POLG: variants seen among roughly 807,000 people sequenced by gnomAD.
POLG encodes the protein DNA polymerase gamma, catalytic subunit.
A neutral mutation model predicts 155.4 loss-of-function variants in POLG; 110 were observed. The observed-to-expected ratio is 0.71, with a 90% CI of 0.61 to 0.83. The LOEUF is 0.83. POLG is among the 40% of genes least tolerant of loss of function. POLG has a pLI of 0.00. For synonymous variants in POLG, 701 were observed against 631.5 expected (o/e 1.11, Z -1.65); for missense variants, 1,685 against 1,627.5 (o/e 1.04, Z -0.61).
intron 2 of POLG, 101 bp downstream of exon 2, chr15:89,332,995 A>T: frequency 6.9e-7 from 1 of 1,453,112 alleles, no homozygotes; most frequent in Non-Finnish European, 9.1e-7. Flanking sequence ...TCCCTACGTG[A>T]GCACCCAGCC....
At chr15:89,323,041 ACGCG>A (rs1178018956) in intron 13 of POLG, 139 bp from the exon 14 acceptor site, 33 of 670,290 alleles carry the variant, frequency 4.9e-5, no homozygotes, top group African/African-American at 3.2e-4. Context: ...TGTATCACGC[ACGCG>A]CGCACGCGCG....
chr15:89,333,904 A>G lies in POLG; in HGVS notation c.-150T>C. 1.2e-6 allele frequency: 1 copy of G among 841,210 alleles called. No individual in the cohort carries two copies. 52.1% of individuals were successfully genotyped at this position (841,210 alleles called of 1,614,324 possible). A position where few individuals can be genotyped will look rare whatever the true frequency, so the allele number is the denominator to read the frequency against. The stretch of plus-strand genomic sequence containing the variant: ...ATGGGTTTGACCATGCCTGCCTTCC[A>G]CCCCAAATCCTAAAGGAGACAGATG... On this transcript the variant is annotated 5_prime_UTR_variant, in exon 2 of 23. Transcript: ENST00000268124.
chr15:89,323,030 T>C lies in POLG; in HGVS notation c.2266-128A>G, dbSNP rs559331727. ...TCAGCAGTCTGAGGCAAATCCCTGA[T>C]TGTATCACGCACGCGCGCACGCGCG... On this transcript the variant is annotated intron_variant, in intron 13 of 22. Coordinates refer to ENST00000268124, the MANE Select transcript of POLG (RefSeq NM_002693.3). 5 of 948,134 alleles carry C rather than the reference T, an allele frequency of 5.3e-6. No individual in the cohort carries two copies. In the South Asian group the frequency reaches 6.1e-5, roughly 12 times the overall value. The allele number at this position is 948,134 out of a possible 1,614,324, so 58.7% of individuals were successfully genotyped here. A position where few individuals can be genotyped will look rare whatever the true frequency, so the allele number is the denominator to read the frequency against.
Position 89,328,546 on chromosome 15 carries a change from G to C in POLG, c.1171-11C>G. On this transcript the variant is annotated splice_polypyrimidine_tract_variant and intron_variant, in intron 5 of 22. Coordinates refer to ENST00000268124, the MANE Select transcript of POLG (RefSeq NM_002693.3). Reference sequence around the variant, plus strand: ...GTACTGCATCAGGTCCTGGCACAAGGTGACAGGAAGGCGCAAGGTGGGCAG... The same window carrying C: ...GTACTGCATCAGGTCCTGGCACAAGCTGACAGGAAGGCGCAAGGTGGGCAG... 1.2e-6 allele frequency: 2 copies of C among 1,613,588 alleles called. No individual in the cohort carries two copies. Among genetic ancestry groups the C allele is most frequent in the African/African-American group, 1.3e-5 (1 of 75,036 alleles).
In POLG at chr15:89,321,085, G is replaced by GCTAC. The variant is rs2307433; in HGVS notation, c.2734+39_2734+40insGTAG. On this transcript the variant is annotated intron_variant, in intron 17 of 22. Coordinates refer to ENST00000268124, the MANE Select transcript of POLG (RefSeq NM_002693.3). ...CAATGTTCATCAGAACTGTCAATAT[G>GCTAC]CTGAGGGGCTGGGCTGCCCCAACCC... is the stretch of plus-strand genomic sequence containing the variant. 778,921 of 1,613,304 alleles carry GCTAC rather than the reference G, an allele frequency of 0.48. 192,450 individuals are homozygous for GCTAC. The highest frequency in any genetic ancestry group is 0.79 in the African/African-American group (59,340 of 74,802).
intron 14 of POLG, 73 bp from the exon 15 acceptor site, chr15:89,322,088 C>G: frequency 1.5e-6 from 2 of 1,370,326 alleles, no homozygotes; most frequent in South Asian, 1.2e-5. Flanking sequence ...CACCATGGCC[C>G]TCACCTGCCC....
At chr15:89,326,055 G>GTGC (rs1338427902) in intron 9 of POLG, among the ~76,000 whole-genome samples, 1 of 152,138 alleles carries the variant, frequency 6.6e-6, no homozygotes, top group East Asian at 1.9e-4. Context: ...GTCCTTCTGG[G>GTGC]TGCTCTCTTG....
chr15:89,323,445 C>T lies in POLG; in HGVS notation c.2224G>A (p.Val742Met), dbSNP rs147827654. Residue 742 changes from valine to methionine, a missense_variant, in exon 13 of 23, where the codon GTG becomes ATG. Transcript: ENST00000268124. ...AAAAACCAGCAGCCAGGGATGTCCA[C>T]GTCGTTGTAAGGTCCATTGCCATGG... ...YHHGNGPYND[V>M]DIPGCWFFKL... The T allele has an allele frequency of 1.6e-5, 26 of 1,614,058 alleles. No individual in the cohort carries two copies. The highest frequency in any genetic ancestry group is 2.7e-5 in the African/African-American group (2 of 75,064).
In POLG at chr15:89,324,096, C is replaced by T. The variant is rs1030112179; in HGVS notation, c.2070+11G>A. 3.7e-5 allele frequency: 59 copies of T among 1,613,880 alleles called. No homozygotes were observed. The highest frequency in any genetic ancestry group is 5.0e-5 in the Non-Finnish European group (59 of 1,180,046). On this transcript the variant is annotated intron_variant, in intron 11 of 22. Transcript: ENST00000268124. ...CCCTCCCCAAAGCTCAGGTTCAGAG[C>T]CTGCCCTCACCGTTTGCCATATGGC... is the stretch of plus-strand genomic sequence containing the variant.
chr15:89,327,210 T>C lies in POLG; in HGVS notation c.1390A>G (p.Met464Val). The C allele has an allele frequency of 6.2e-7, 1 of 1,614,214 alleles. No homozygotes were observed. Among genetic ancestry groups the C allele is most frequent in the Non-Finnish European group, 8.5e-7 (1 of 1,180,034 alleles). The change falls in exon 7 of 23, where the codon ATG becomes GTG. Residue 464 changes from methionine (M) to valine (V), a missense_variant. Around this residue, in one of 3 missense-constraint regions of POLG, gnomAD observed 1,210 missense variants for 1,167.1 expected, o/e 1.04. Transcript: ENST00000268124. ...TGGCAGGCATCATTGGCCAGATCCA[T>C]CAACGACTTCTTCATCTCCCGCTGG... ...ELQREMKKSL[M>V]DLANDACQLL...
At chr15:89,322,657 T>G in intron 14 of POLG, 85 bp downstream of exon 14, 1 of 1,458,476 alleles carries the variant, frequency 6.9e-7, no homozygotes, top group South Asian at 1.1e-5. Context: ...AGGCTGGCCC[T>G]CTGTGGGAAT....
chr15:89,317,616 C>G, intron 21 of POLG, 80 bp from the exon 22 acceptor site: 1 of 1,385,722 alleles, frequency 7.2e-7, no homozygotes, highest in Non-Finnish European at 1.0e-6. Context: ...TGACCCCACA[C>G]CCCTTAGAGC....
At position 89,316,581 on chromosome 15, in the gene POLG, T is replaced by C. The variant is rs369602200; in HGVS notation, c.*170A>G. The stretch of plus-strand genomic sequence containing the variant: ...GCATCTTGGTTCTGAACCCACTGAA[T>C]TCAACTGCACCTTCAGTTAGAAGGA... On this transcript the variant is annotated 3_prime_UTR_variant, in exon 23 of 23. Coordinates refer to ENST00000268124, the MANE Select transcript of POLG (RefSeq NM_002693.3). 1 of 1,144,134 alleles carries C rather than the reference T, an allele frequency of 8.7e-7. No individual in the cohort carries two copies. The highest frequency in any genetic ancestry group is 1.5e-5 in the African/African-American group (1 of 65,342). 70.9% of individuals were successfully genotyped at this position (1,144,134 alleles called of 1,614,324 possible). A position where few individuals can be genotyped will look rare whatever the true frequency, so the allele number is the denominator to read the frequency against.
intron 21 of POLG, chr15:89,318,104 C>T: frequency 1.1e-5 from 2 of 190,438 alleles, no homozygotes; most frequent in Non-Finnish European, 2.2e-5. Context: ...TTTGAGTGTC[C>T]CCATTAACAG....
chr15:89,330,059 C>A lies in POLG; in HGVS notation c.855+22G>T, dbSNP rs776924440. 6.2e-6 allele frequency: 10 copies of A among 1,601,978 alleles called. No individual in the cohort carries two copies. The East Asian group carries it at 1.6e-4, about 25-fold the overall frequency. ...CTGGCCCATCCCATGCCAGAACCTG[C>A]AGTTGGCCCCAGGAACCTTACCTGG... is the stretch of plus-strand genomic sequence containing the variant. On this transcript the variant is annotated intron_variant, in intron 3 of 22. Coordinates refer to ENST00000268124, the MANE Select transcript of POLG (RefSeq NM_002693.3).
At chr15:89,326,860 C>T (rs760209861) in intron 8 of POLG, 52 bp downstream of exon 8, 1 of 1,611,746 alleles carries the variant, frequency 6.2e-7, no homozygotes, top group East Asian at 2.2e-5. Context: ...AATCACAGGA[C>T]CTTCCCAGAG....
chr15:89,325,227 T>TGAGTGAGTGAGA (rs2055489661), intron 10 of POLG, among the ~76,000 whole-genome samples: 2 of 41,868 alleles, frequency 4.8e-5, no homozygotes, highest in African/African-American at 9.6e-5. Context: ...AGTGAGAGAG[T>TGAGTGAGTGAGA]GAGTGAGAGA....
In POLG at chr15:89,318,665, A is replaced by G. The variant is rs776720231; in HGVS notation, c.3358T>C (p.Phe1120Leu). 3.1e-6 allele frequency: 5 copies of G among 1,614,000 alleles called. No homozygotes were observed. In the East Asian group the frequency reaches 6.7e-5, roughly 22 times the overall value. The part of the protein sequence containing the change: ...HLMLVAMKWL[F>L]EEFAIDGRFC... Reference sequence around the variant, plus strand: ...CGCCCATCTATGGCAAACTCTTCAAACAGCCACTTCATGGCCACAAGCATG... The same window carrying G: ...CGCCCATCTATGGCAAACTCTTCAAGCAGCCACTTCATGGCCACAAGCATG... The change falls in exon 21 of 23, where the codon TTT (phenylalanine) becomes CTT (leucine). Residue 1120 changes from phenylalanine (F) to leucine (L), a missense_variant. Coordinates refer to ENST00000268124, the MANE Select transcript of POLG (RefSeq NM_002693.3).
chr15:89,325,100 G>GAA, intron 10 of POLG, among the ~76,000 whole-genome samples: 1 of 83,260 alleles, frequency 1.2e-5, no homozygotes, highest in African/African-American at 8.2e-5. Context: ...GAGTGAGTGA[G>GAA]AGAGTGAGAG....
Sources: allele counts gnomAD v4.1 joint callset (sites outside exome capture counted in the v4.1 genomes callset), GRCh38; gene constraint gnomAD v4.1.1; regional missense constraint gnomAD v4.1.1; transcripts MANE v1.5; gene names NCBI Gene and HGNC (gene_info 2026-07-23, HGNC 2026-07-21).